The following RUNX2 variants were observed in gnomAD, a reference collection of about 807,000 sequenced individuals.
RUNX2 encodes RUNX family transcription factor 2.
In RUNX2, 10 loss-of-function variants were observed where a neutral mutation model predicts 51.7. That is an observed-to-expected ratio of 0.19 (90% confidence interval 0.12 to 0.33). The LOEUF (loss-of-function observed/expected upper bound fraction) is 0.33, where lower values mean the gene tolerates loss of function less well. Among genes scored for constraint, RUNX2 ranks in the 10% least tolerant of loss-of-function variants. The probability of loss-of-function intolerance (pLI) is 1.00; values close to 1 mark genes in which losing one functional copy is unlikely to be tolerated. For missense variants in RUNX2, 562 were observed against 691.3 expected (o/e 0.81, Z 2.10); for synonymous variants, 276 against 273.6 (o/e 1.01, Z -0.09).
At chr6:45,459,880 C>T (rs754920999) in intron 5 of RUNX2, among the ~76,000 whole-genome samples, 2 of 152,068 alleles carry the variant, frequency 1.3e-5, no homozygotes, top group Admixed American at 6.6e-5. Flanking sequence ...AAATAGGGAG[C>T]GAGCCATCTA....
At chr6:45,334,109 C>G (rs980174510) in intron 2 of RUNX2, among the ~76,000 whole-genome samples, 1 of 151,054 alleles carries the variant, frequency 6.6e-6, no homozygotes, top group Admixed American at 6.6e-5. Context: ...TTCCTATTGC[C>G]AATTCTCTTA....
intron 5 of RUNX2, among the ~76,000 whole-genome samples, chr6:45,444,921 CT>C (rs1189925987): frequency 6.6e-6 from 1 of 152,210 alleles, no homozygotes; most frequent in African/African-American, 2.4e-5. Flanking sequence ...CGGCAGCTCG[CT>C]TTTATCCTCC....
At chr6:45,485,725 T>TATATA (rs1554394680) in intron 5 of RUNX2, among the ~76,000 whole-genome samples, 2 of 73,224 alleles carry the variant, frequency 2.7e-5, no homozygotes, top group East Asian at 3.6e-4. Context: ...ATACACATAT[T>TATATA]TAGCATCATC....
At chr6:45,458,674 A>T (rs1238044207) in intron 5 of RUNX2, among the ~76,000 whole-genome samples, 2 of 152,230 alleles carry the variant, frequency 1.3e-5, no homozygotes, top group African/African-American at 4.8e-5. Context: ...ATAAACTGCG[A>T]ATGGAATCTT....
intron 5 of RUNX2, among the ~76,000 whole-genome samples, chr6:45,450,495 A>C (rs1377679186): frequency 6.6e-6 from 1 of 152,188 alleles, no homozygotes; most frequent in Non-Finnish European, 1.5e-5. Flanking sequence ...GTAGAGAAAA[A>C]AGGCAAGAAA....
intron 7 of RUNX2, among the ~76,000 whole-genome samples, chr6:45,516,338 G>A (rs1801319233): frequency 6.6e-6 from 1 of 152,158 alleles, no homozygotes; most frequent in Admixed American, 6.5e-5. Flanking sequence ...GCACATATAA[G>A]TTTGTAATTG....
At chr6:45,409,663 T>A (rs1467114435) in intron 2 of RUNX2, among the ~76,000 whole-genome samples, 1 of 152,238 alleles carries the variant, frequency 6.6e-6, no homozygotes, top group East Asian at 1.9e-4. Context: ...CAATATTTGA[T>A]AATTTCAGAA....
intron 7 of RUNX2, among the ~76,000 whole-genome samples, chr6:45,531,996 C>A (rs913026981): frequency 5.3e-5 from 8 of 152,010 alleles, no homozygotes; most frequent in African/African-American, 1.9e-4. Context: ...TTAGTTTTAA[C>A]CTCCTTTACT....
At chr6:45,385,891 C>T (rs1450514046) in intron 2 of RUNX2, among the ~76,000 whole-genome samples, 1 of 152,142 alleles carries the variant, frequency 6.6e-6, no homozygotes, top group Non-Finnish European at 1.5e-5. Flanking sequence ...AAAAGCACTC[C>T]TGCCACAATA....
intron 2 of RUNX2, among the ~76,000 whole-genome samples, chr6:45,363,280 T>C (rs1218142525): frequency 6.6e-6 from 1 of 152,202 alleles, no homozygotes; most frequent in Non-Finnish European, 1.5e-5. Flanking sequence ...ATTTGTTGAC[T>C]TCTGCTATAG....
intron 3 of RUNX2, among the ~76,000 whole-genome samples, chr6:45,429,832 G>A (rs1012258314): frequency 3.3e-5 from 5 of 152,100 alleles, no homozygotes; most frequent in African/African-American, 9.7e-5. Flanking sequence ...GGTGGCTCAC[G>A]CCTGTAATCC....
chr6:45,486,212 T>A (rs893216720), intron 5 of RUNX2, among the ~76,000 whole-genome samples: 1 of 152,216 alleles, frequency 6.6e-6, no homozygotes, highest in African/African-American at 2.4e-5. Context: ...TCCGCAATCA[T>A]GGCATTTTAG....
At chr6:45,541,054 A>G (rs1250981489) in intron 7 of RUNX2, among the ~76,000 whole-genome samples, 1 of 152,182 alleles carries the variant, frequency 6.6e-6, no homozygotes, top group Non-Finnish European at 1.5e-5. Flanking sequence ...GCATTGCTCA[A>G]TGCTTTTCAT....
chr6:45,416,501 A>G (rs1798071056), intron 2 of RUNX2, among the ~76,000 whole-genome samples: 1 of 152,210 alleles, frequency 6.6e-6, no homozygotes, highest in South Asian at 2.1e-4. Context: ...GAATTACTAC[A>G]GGAAATCTTT....
intron 5 of RUNX2, among the ~76,000 whole-genome samples, chr6:45,453,372 G>A (rs1426432670): frequency 2.0e-5 from 3 of 152,196 alleles, no homozygotes; most frequent in Admixed American, 6.5e-5. Flanking sequence ...GGACAGTGGA[G>A]GGCCAGTTCC....
intron 7 of RUNX2, among the ~76,000 whole-genome samples, chr6:45,539,896 G>C (rs1028870154): frequency 6.6e-6 from 1 of 152,240 alleles, no homozygotes; most frequent in South Asian, 2.1e-4. Flanking sequence ...ACTTAGGAAT[G>C]TGTGCAGCAG....
intron 2 of RUNX2, among the ~76,000 whole-genome samples, chr6:45,397,501 G>A (rs1055585704): frequency 6.6e-6 from 1 of 152,118 alleles, no homozygotes; most frequent in African/African-American, 2.4e-5. Context: ...ATATTTGAGA[G>A]TTTCTGTGTC....
chr6:45,532,335 G>T (rs1801885435), intron 7 of RUNX2, among the ~76,000 whole-genome samples: 1 of 151,836 alleles, frequency 6.6e-6, no homozygotes, highest in Non-Finnish European at 1.5e-5. Context: ...TATGTAGCAG[G>T]ATCAGAATTT....
Position 45,546,979 on chromosome 6 carries a change from G to A in RUNX2, c.1240G>A (p.Ala414Thr), listed in dbSNP as rs763860044. The change falls in exon 9 of 9, where the codon GCC becomes ACC. Residue 414 changes from alanine to threonine, a missense_variant. Physicochemically the swap from Ala to Thr is moderately conservative, Grantham distance 58 (BLOSUM62 0). This residue lies in a region of RUNX2 where 304 missense variants were observed against 353.2 expected (regional missense o/e 0.86). Coordinates refer to ENST00000647337, the MANE Select transcript of RUNX2 (RefSeq NM_001024630.4). Reference protein sequence around the residue: ...VTSGMSLGMSATTHYHTYLPP... With the variant: ...VTSGMSLGMSTTTHYHTYLPP... ...CTCAGGCATGTCCCTCGGTATGTCC[G>A]CCACCACTCACTACCACACCTACCT... The A allele has an allele frequency of 8.1e-6, 13 of 1,613,628 alleles. No homozygotes were observed. The highest frequency in any genetic ancestry group is 6.7e-5 in the East Asian group (3 of 44,860).
Sources: gnomAD v4.1 joint callset for allele counts (sites outside exome capture counted in the v4.1 genomes callset) on GRCh38, gnomAD v4.1.1 for gene constraint, gnomAD v4.1.1 regional missense constraint, MANE v1.5 for transcripts, NCBI Gene and HGNC (gene_info 2026-07-23, HGNC 2026-07-21) for gene names.